ACYP2: variants seen among roughly 807,000 people sequenced by gnomAD.
The protein encoded by ACYP2 is acylphosphatase-2.
ACYP2 carries 12 observed loss-of-function variants against 11.2 expected under a neutral mutation model. The ratio of observed to expected loss-of-function variants is 1.08; its 90% CI spans 0.69 to 1.74. ACYP2 has a LOEUF of 1.74. ACYP2 is among the 40% of genes most tolerant of loss of function. The pLI is 0.00. For synonymous variants in ACYP2, 43 were observed against 32.2 expected, an observed-to-expected ratio of 1.33 and a Z score of -1.13; for missense variants, 134 against 101.9, an observed-to-expected ratio of 1.31 and a Z score of -1.35.
At chr2:54,107,747 A>G (rs1287822046) in intron 4 of ACYP2, among the ~76,000 whole-genome samples, 2 of 152,170 alleles carry the variant, frequency 1.3e-5, no homozygotes, top group Non-Finnish European at 2.9e-5. Context: ...TGACATAATG[A>G]ATCAAAACCT....
At chr2:54,002,851 A>G (rs933448378) in intron 2 of ACYP2, among the ~76,000 whole-genome samples, 27 of 147,048 alleles carry the variant, frequency 1.8e-4, no homozygotes, top group African/African-American at 5.1e-4. Flanking sequence ...GGGTTTCTCC[A>G]TGTTGAGGCT....
chr2:54,243,918 GTT>G (rs1051070680), intron 6 of ACYP2, among the ~76,000 whole-genome samples: 3 of 143,848 alleles, frequency 2.1e-5, no homozygotes, highest in African/African-American at 2.5e-5. Context: ...AGTTGTTGCT[GTT>G]TTTTTTTTTT....
chr2:54,242,078 C>A (rs548399120), intron 6 of ACYP2, among the ~76,000 whole-genome samples: 13 of 152,254 alleles, frequency 8.5e-5, no homozygotes, highest in Non-Finnish European at 1.3e-4. Context: ...ATTTATAATA[C>A]GCGTAGTAAA....
At chr2:54,236,723 T>G (rs1009428489) in intron 6 of ACYP2, among the ~76,000 whole-genome samples, 7 of 152,176 alleles carry the variant, frequency 4.6e-5, no homozygotes, top group African/African-American at 1.7e-4. Context: ...TTGTTCAAAT[T>G]TTACATATCG....
intron 4 of ACYP2, among the ~76,000 whole-genome samples, chr2:54,095,212 CAG>C (rs1678457616): frequency 6.6e-6 from 1 of 152,204 alleles, no homozygotes; most frequent in Non-Finnish European, 1.5e-5. Context: ...GGTAAGGTCA[CAG>C]ATCAACAGGA....
chr2:54,232,899 C>A (rs1686300626), intron 6 of ACYP2, among the ~76,000 whole-genome samples: 1 of 152,130 alleles, frequency 6.6e-6, no homozygotes, highest in Non-Finnish European at 1.5e-5. Context: ...ATAGGGATTA[C>A]AATTCGAGAT....
In ACYP2 at chr2:54,263,730, A is replaced by G. The variant is rs373332307; in HGVS notation, c.405-40958A>G. 7.2e-5 allele frequency among the ~76,000 whole-genome samples: 11 copies of G among 152,350 alleles called. No individual in the cohort carries two copies. The South Asian group carries it at 2.3e-3, about 32-fold the overall frequency. On this transcript the variant is annotated intron_variant, in intron 6 of 6. Transcript: ENST00000607452. ...TTTAATATAGTGTATAACTCTTTGC[A>G]TATGTTTCAAGATGATAATTCAGCA...
At chr2:54,189,557 T>C (rs1418639077) in intron 6 of ACYP2, among the ~76,000 whole-genome samples, 3 of 151,230 alleles carry the variant, frequency 2.0e-5, no homozygotes, top group African/African-American at 7.3e-5. Context: ...ATTCTCTCTA[T>C]AATTCTATTA....
At chr2:54,234,617 CTG>C (rs1380980675) in intron 6 of ACYP2, among the ~76,000 whole-genome samples, 1 of 152,196 alleles carries the variant, frequency 6.6e-6, no homozygotes, top group East Asian at 1.9e-4. Flanking sequence ...ATTGAGATGT[CTG>C]TGGTGTTGGC....
At chr2:54,277,689 T>A (rs557540605) in intron 6 of ACYP2, among the ~76,000 whole-genome samples, 1 of 151,810 alleles carries the variant, frequency 6.6e-6, no homozygotes, top group South Asian at 2.1e-4. Flanking sequence ...AAAAAAAAAA[T>A]GATTTCAATA....
intron 3 of ACYP2, among the ~76,000 whole-genome samples, chr2:54,056,247 T>C (rs1224419910): frequency 6.6e-6 from 1 of 152,206 alleles, no homozygotes; most frequent in Non-Finnish European, 1.5e-5. Flanking sequence ...TCTGCTTATC[T>C]ACTGAACTGA....
At chr2:54,118,388 G>C (rs370215454) in intron 4 of ACYP2, among the ~76,000 whole-genome samples, 8 of 152,210 alleles carry the variant, frequency 5.3e-5, no homozygotes, top group African/African-American at 1.9e-4. Flanking sequence ...CATTTATTAT[G>C]GGTGTTCTTT....
chr2:54,109,415 G>C lies in ACYP2; in HGVS notation c.278-26038G>C, dbSNP rs545260011. On this transcript the variant is annotated intron_variant, in intron 4 of 6. Coordinates refer to ENST00000607452, the MANE Select transcript of ACYP2 (RefSeq NM_001320586.2). Reference sequence around the variant, plus strand: ...TGGACTTTGGATACTCGGGGGAAAGGGTGGGAGGGGGTGAGGGATAAAAAA... The same window carrying C: ...TGGACTTTGGATACTCGGGGGAAAGCGTGGGAGGGGGTGAGGGATAAAAAA... Among the ~76,000 whole-genome samples the C allele has an allele frequency of 5.9e-5, 9 of 152,186 alleles. No homozygotes were observed. The South Asian group carries it at 1.7e-3, about 28-fold the overall frequency.
chr2:53,971,149 T>G lies in ACYP2; in HGVS notation c.-209T>G, dbSNP rs1235667055. Reference sequence around the variant, plus strand: ...CTGGAGCCCAACGGGCTGCGCCTTCTTCGCCGTGGGCCCGGCTCGGAGCCC... The same window carrying G: ...CTGGAGCCCAACGGGCTGCGCCTTCGTCGCCGTGGGCCCGGCTCGGAGCCC... On this transcript the variant is annotated 5_prime_UTR_variant, in exon 1 of 7. Coordinates refer to ENST00000607452, the MANE Select transcript of ACYP2 (RefSeq NM_001320586.2). 5.3e-6 allele frequency: 1 copy of G among 187,358 alleles called. No homozygotes were observed. Among genetic ancestry groups the G allele is most frequent in the African/African-American group, 2.3e-5 (1 of 42,606 alleles). The allele number at this position is 187,358 out of a possible 1,614,324, so 11.6% of individuals were successfully genotyped here.
chr2:54,094,373 A>G (rs1013499882), intron 4 of ACYP2, among the ~76,000 whole-genome samples: 27 of 152,050 alleles, frequency 1.8e-4, no homozygotes, highest in Middle Eastern at 3.4e-3. Flanking sequence ...GATTAGAGGC[A>G]TGTGCCACCA....
At position 54,094,533 on chromosome 2, in the gene ACYP2, T is replaced by C. The variant is rs147641022; in HGVS notation, c.277+37173T>C. ...TGTGAGCCACCATGCCCGGCCCAGT[T>C]GTGTGTGTGTGTGTGTGTGTTTGAG... On this transcript the variant is annotated intron_variant, in intron 4 of 6. Transcript: ENST00000607452. Among the ~76,000 whole-genome samples, 5 of 135,650 alleles carry C rather than the reference T, an allele frequency of 3.7e-5. No individual in the cohort carries two copies. The East Asian group carries it at 1.0e-3, about 28-fold the overall frequency. The allele number at this position is 135,650 out of a possible 152,430, so 89.0% of individuals were successfully genotyped here.
chr2:54,097,741 T>A (rs977164512), intron 4 of ACYP2, among the ~76,000 whole-genome samples: 20 of 152,098 alleles, frequency 1.3e-4, no homozygotes, highest in African/African-American at 4.8e-4. Context: ...TGAGACGTCA[T>A]GTTATTTTAG....
intron 2 of ACYP2, among the ~76,000 whole-genome samples, chr2:53,983,133 G>A (rs78328860): frequency 0.011 from 1,626 of 152,164 alleles, 24 homozygotes; most frequent in African/African-American, 0.038. Flanking sequence ...TAGGATGCAA[G>A]GCCTAGACCA....
Position 54,273,387 on chromosome 2 carries a change from G to A in ACYP2, c.405-31301G>A, listed in dbSNP as rs1366230560. The stretch of plus-strand genomic sequence containing the variant: ...AAGGAAGTTACACAGCCCCTAGAAG[G>A]CATAGAATCTGTAGATTTTGTAATT... On this transcript the variant is annotated intron_variant, in intron 6 of 6. Transcript: ENST00000607452. Among the ~76,000 whole-genome samples the A allele has an allele frequency of 2.6e-5, 4 of 152,164 alleles. 1 individual carries two copies. Among genetic ancestry groups the A allele is most frequent in the Admixed American group, 2.6e-4 (4 of 15,280 alleles).
Sources: gnomAD v4.1 joint callset for allele counts (sites outside exome capture counted in the v4.1 genomes callset) on GRCh38, gnomAD v4.1.1 for gene constraint, MANE v1.5 for transcripts, NCBI Gene and HGNC (gene_info 2026-07-23, HGNC 2026-07-21) for gene names.